Variants in EVI2A observed in about 807,000 individuals in gnomAD.
EVI2A encodes the protein protein EVI2A.
EVI2A carries 11 observed loss-of-function variants against 13.0 expected under a neutral mutation model. That is an observed-to-expected ratio of 0.85 (90% confidence interval 0.53 to 1.40). The LOEUF is 1.40. Ranked by LOEUF, EVI2A falls within the 40% of genes most tolerant of loss-of-function variation. EVI2A has a pLI of 0.00. For synonymous variants in EVI2A, 89 were observed against 98.0 expected, an observed-to-expected ratio of 0.91 and a Z score of 0.54; for missense variants, 267 against 279.5, an observed-to-expected ratio of 0.96 and a Z score of 0.32.
intron 1 of EVI2A, chr17:31,320,382 A>G (rs752707346): frequency 2.5e-6 from 4 of 1,605,306 alleles, no homozygotes; most frequent in Non-Finnish European, 3.4e-6. Context: ...CCTAGCTAGT[A>G]TAGGTAGGGC....
chr17:31,316,915 G>A lies in EVI2A; in HGVS notation c.*1388C>T, dbSNP rs1025419784. ...CGTTTGAATTTGATGACCAAGAGCA[G>A]TTATCACCTTGAGAGTTACGTAAAA... On this transcript the variant is annotated 3_prime_UTR_variant, in exon 2 of 2. Coordinates refer to ENST00000462804, the MANE Select transcript of EVI2A (RefSeq NM_014210.4). Among the ~76,000 whole-genome samples, 1 of 152,112 alleles carries A rather than the reference G, an allele frequency of 6.6e-6. No homozygotes were observed. Among genetic ancestry groups the A allele is most frequent in the African/African-American group, 2.4e-5 (1 of 41,416 alleles).
rs140933050 is a variant in EVI2A at position 31,318,455 on chromosome 17, C to T, written c.559G>A (p.Gly187Ser). The change falls in exon 2 of 2, where the codon GGT (glycine) becomes AGT (serine). Residue 187 changes from glycine to serine, a missense_variant. Physicochemically the swap from Gly to Ser is moderately conservative, Grantham distance 56 (BLOSUM62 0). Coordinates refer to ENST00000462804, the MANE Select transcript of EVI2A (RefSeq NM_014210.4). ...GTGTCTGATTCAGCGGGCCATAGAC[C>T]GCTTGCCAGAAAATCGCCATTGCTT... ...PRSNGDFLAS[G>S]LWPAESDTWK... 4.2e-3 allele frequency: 6,831 copies of T among 1,613,970 alleles called. 16 individuals carry two copies. The highest frequency in any genetic ancestry group is 5.1e-3 in the Non-Finnish European group (6,054 of 1,179,984).
chr17:31,321,115 G>A (rs1261039471), intron 1 of EVI2A: 1 of 152,154 alleles, frequency 6.6e-6, no homozygotes, highest in Non-Finnish European at 1.5e-5. Flanking sequence ...TTGGAGGCCA[G>A]GTTGTGTTAT....
In EVI2A at chr17:31,318,828, G is replaced by A. The variant is rs2069099702; in HGVS notation, c.186C>T (p.Asn62=). ...TATAATCTACTTCAGGAGTTATAGGGTTTGTGTTAATGTTTTCATTTTGGT... is the reference window on the plus strand; with the variant it reads ...TATAATCTACTTCAGGAGTTATAGGATTTGTGTTAATGTTTTCATTTTGGT... The part of the protein sequence containing the change: ...GRNQNENINT[N]PITPEVDYKG... Residue 62 remains asparagine (N), a synonymous_variant, in exon 2 of 2, where the codon AAC becomes AAT. Transcript: ENST00000462804. 2 of 1,614,002 alleles carry A rather than the reference G, an allele frequency of 1.2e-6. No individual in the cohort carries two copies. Among genetic ancestry groups the A allele is most frequent in the Non-Finnish European group, 1.7e-6 (2 of 1,179,940 alleles).
intron 1 of EVI2A, among the ~76,000 whole-genome samples, chr17:31,320,027 C>T (rs1464906680): frequency 6.6e-6 from 1 of 151,948 alleles, no homozygotes; most frequent in East Asian, 1.9e-4. Context: ...AAAAAGGAGA[C>T]AAGTTATATT....
chr17:31,319,397 C>T (rs909833185), intron 1 of EVI2A, among the ~76,000 whole-genome samples: 7 of 151,484 alleles, frequency 4.6e-5, no homozygotes, highest in Non-Finnish European at 8.8e-5. Flanking sequence ...AATTAAGGAT[C>T]ATTCTTACAG....
In EVI2A at chr17:31,318,568, C is replaced by A; in HGVS notation, c.446G>T (p.Cys149Phe). The A allele has an allele frequency of 6.2e-7, 1 of 1,614,084 alleles. No individual in the cohort carries two copies. Among genetic ancestry groups the A allele is most frequent in the South Asian group, 1.1e-5 (1 of 91,086 alleles). The change falls in exon 2 of 2, where the codon TGT becomes TTT. Residue 149 changes from cysteine (C) to phenylalanine (F), a missense_variant. Coordinates refer to ENST00000462804, the MANE Select transcript of EVI2A (RefSeq NM_014210.4). ...LIIIAVLFLI[C>F]TFLFLSTVVL... ...CACAGTTGATAGAAATAGAAAGGTA[C>A]AGATAAGAAAAAGCACTGCAATTAT...
intron 1 of EVI2A, 23 bp from the exon 2 acceptor site, chr17:31,319,046 T>G (rs2069107502): frequency 6.4e-7 from 1 of 1,551,802 alleles, no homozygotes; most frequent in Admixed American, 2.0e-5. Flanking sequence ...CAATATAATT[T>G]GTTAGTTTGT....
intron 1 of EVI2A, chr17:31,320,223 G>T: frequency 1.8e-6 from 1 of 542,566 alleles, no homozygotes; most frequent in Non-Finnish European, 3.0e-6. Flanking sequence ...GCATTTATTT[G>T]AATGAACTAA....
Position 31,317,101 on chromosome 17 carries a change from G to A in EVI2A, c.*1202C>T, listed in dbSNP as rs1273447615. ...AGAGTAAGATTGTAGTCATACTTGG[G>A]AAAAAACATATAAAAAATATTTTTA... On this transcript the variant is annotated 3_prime_UTR_variant, in exon 2 of 2. Transcript: ENST00000462804. Among the ~76,000 whole-genome samples, 2 of 151,892 alleles carry A rather than the reference G, an allele frequency of 1.3e-5. No individual in the cohort carries two copies. The highest frequency in any genetic ancestry group is 2.9e-5 in the Non-Finnish European group (2 of 67,988).
Position 31,318,723 on chromosome 17 carries a change from A to C in EVI2A, c.291T>G (p.Pro97=). ...TTGAAGGACTGTTGCTGACGACAGA[A>C]GGTATATAAAGCTCCTGTTCAGATT... ...TSKSEQELYI[P]SVVSNSPSTV... Residue 97 remains proline, a synonymous_variant, in exon 2 of 2, where the codon CCT becomes CCG. Transcript: ENST00000462804. 1 of 1,614,156 alleles carries C rather than the reference A, an allele frequency of 6.2e-7. No homozygotes were observed. The highest frequency in any genetic ancestry group is 8.5e-7 in the Non-Finnish European group (1 of 1,180,010).
In EVI2A at chr17:31,318,980, G is replaced by A. The variant is rs2069104170; in HGVS notation, c.34C>T (p.Leu12=). The A allele has an allele frequency of 6.2e-7, 1 of 1,611,870 alleles. No homozygotes were observed. Among genetic ancestry groups the A allele is most frequent in the Admixed American group, 1.7e-5 (1 of 59,952 alleles). Residue 12 remains leucine, a synonymous_variant, in exon 2 of 2, where the codon CTA becomes TTA. Transcript: ENST00000462804. ...PTDMEHTGHY[L]HLAFLMTTVF... is the part of the protein sequence containing the mutation. ...GTTGTCATCAGAAAGGCAAGATGTAGGTAATGTCCTGTGTGTTCCATGTCC... is the reference window on the plus strand; with the variant it reads ...GTTGTCATCAGAAAGGCAAGATGTAAGTAATGTCCTGTGTGTTCCATGTCC...
At position 31,318,247 on chromosome 17, in the gene EVI2A, A is replaced by G. The variant is rs878908893; in HGVS notation, c.*56T>C. Reference sequence around the variant, plus strand: ...AACAACACTTTGGGATTAAATACCAACTGACTTCATTTTTACTCCATAAGC... The same window carrying G: ...AACAACACTTTGGGATTAAATACCAGCTGACTTCATTTTTACTCCATAAGC... On this transcript the variant is annotated 3_prime_UTR_variant, in exon 2 of 2. Coordinates refer to ENST00000462804, the MANE Select transcript of EVI2A (RefSeq NM_014210.4). The G allele has an allele frequency of 1.4e-5, 22 of 1,536,942 alleles. No homozygotes were observed. Among genetic ancestry groups the G allele is most frequent in the South Asian group, 9.1e-5 (7 of 76,940 alleles).
Position 31,316,884 on chromosome 17 carries a change from G to C in EVI2A, c.*1419C>G, listed in dbSNP as rs1000699680. On this transcript the variant is annotated 3_prime_UTR_variant, in exon 2 of 2. Transcript: ENST00000462804. ...TTTTTTTCCTCTCATTTTAATAATA[G>C]CTAGACGTTTGAATTTGATGACCAA... Among the ~76,000 whole-genome samples the C allele has an allele frequency of 1.3e-5, 2 of 151,950 alleles. No individual in the cohort carries two copies. The highest frequency in any genetic ancestry group is 1.3e-4 in the Admixed American group (2 of 15,244).
chr17:31,320,288 A>C, intron 1 of EVI2A: 2 of 1,120,764 alleles, frequency 1.8e-6, no homozygotes, highest in Non-Finnish European at 2.4e-6. Flanking sequence ...CCTGGTTAAG[A>C]ACCCTACGTA....
Position 31,317,995 on chromosome 17 carries a change from T to C in EVI2A, c.*308A>G. ...AGATCATCTAACCACTGTTGCTACA[T>C]AGGGAATATTTATTTAATTATCCCT... On this transcript the variant is annotated 3_prime_UTR_variant, in exon 2 of 2. Transcript: ENST00000462804. The C allele has an allele frequency of 3.4e-6, 1 of 296,726 alleles. No individual in the cohort carries two copies. Among genetic ancestry groups the C allele is most frequent in the Non-Finnish European group, 6.3e-6 (1 of 159,378 alleles). 18.4% of individuals were successfully genotyped at this position (296,726 alleles called of 1,614,324 possible). A position where few individuals can be genotyped will look rare whatever the true frequency, so the allele number is the denominator to read the frequency against.
Position 31,316,634 on chromosome 17 carries a change from C to T in EVI2A, c.*1669G>A, listed in dbSNP as rs1284974783. 6.6e-6 allele frequency among the ~76,000 whole-genome samples: 1 copy of T among 152,106 alleles called. No homozygotes were observed. Among genetic ancestry groups the T allele is most frequent in the South Asian group, 2.1e-4 (1 of 4,824 alleles). The stretch of plus-strand genomic sequence containing the variant: ...CAATCTCAAATTTTCAATTTTTGCA[C>T]AGAATGGGAAGTCTGCCCAGTTTCA... On this transcript the variant is annotated 3_prime_UTR_variant, in exon 2 of 2. Coordinates refer to ENST00000462804, the MANE Select transcript of EVI2A (RefSeq NM_014210.4).
chr17:31,320,848 C>A (rs577363592), intron 1 of EVI2A: 1 of 169,936 alleles, frequency 5.9e-6, no homozygotes, highest in African/African-American at 2.4e-5. Context: ...CTAGACTGGA[C>A]TTCTGTATTA....
Position 31,321,592 on chromosome 17 carries a change from T to C in EVI2A, c.-108A>G, listed in dbSNP as rs1216285940. 6.6e-6 allele frequency: 1 copy of C among 152,162 alleles called. No homozygotes were observed. Among genetic ancestry groups the C allele is most frequent in the Non-Finnish European group, 1.5e-5 (1 of 68,016 alleles). The allele number at this position is 152,162 out of a possible 1,614,324, so 9.4% of individuals were successfully genotyped here. A position where few individuals can be genotyped will look rare whatever the true frequency, so the allele number is the denominator to read the frequency against. ...TAAAGCAGAATAGACTTGGAGAATA[T>C]GAGCCTTAAAGTAAATCTGCAGTAA... is the stretch of plus-strand genomic sequence containing the variant. On this transcript the variant is annotated 5_prime_UTR_variant, in exon 1 of 2. Coordinates refer to ENST00000462804, the MANE Select transcript of EVI2A (RefSeq NM_014210.4).
Sources: allele counts gnomAD v4.1 joint callset (sites outside exome capture counted in the v4.1 genomes callset), GRCh38; gene constraint gnomAD v4.1.1; transcripts MANE v1.5; gene names NCBI Gene and HGNC (gene_info 2026-07-23, HGNC 2026-07-21).